The following GPAT4 variants were observed in gnomAD, a reference collection of about 807,000 sequenced individuals.
GPAT4 encodes 1-AGP acyltransferase 6.
Under a neutral mutation model 58.0 loss-of-function variants are expected in GPAT4, and 17 were observed. The observed-to-expected ratio is 0.29, with a 90% CI of 0.20 to 0.44. The LOEUF is 0.44. GPAT4 is among the 20% of genes least tolerant of loss of function. The probability of loss-of-function intolerance (pLI) is 1.00; values close to 1 mark genes in which losing one functional copy is unlikely to be tolerated. For missense variants in GPAT4, 377 were observed against 574.5 expected, an observed-to-expected ratio of 0.66 and a Z score of 3.51; for synonymous variants, 204 against 210.1, an observed-to-expected ratio of 0.97 and a Z score of 0.25.
chr8:41,595,926 TG>T (rs1321184075), intron 1 of GPAT4, among the ~76,000 whole-genome samples: 2 of 149,216 alleles, frequency 1.3e-5, no homozygotes, highest in East Asian at 4.0e-4. Context: ...GGGGCAGGGG[TG>T]GGGGGGTGTG....
chr8:41,598,399 A>C lies in GPAT4; in HGVS notation c.-741A>C, dbSNP rs1425306250. ...GGATACCAATGCCAGATGCATCTGG[A>C]GTTACACTCAGCACTCGCAGTATGA... is the stretch of plus-strand genomic sequence containing the variant. On this transcript the variant is annotated 5_prime_UTR_variant, in exon 2 of 13. Coordinates refer to ENST00000396987, the MANE Select transcript of GPAT4 (RefSeq NM_178819.4). The C allele has an allele frequency of 6.6e-6, 1 of 152,144 alleles. No individual in the cohort carries two copies. Among genetic ancestry groups the C allele is most frequent in the African/African-American group, 2.4e-5 (1 of 41,436 alleles). 9.4% of individuals were successfully genotyped at this position (152,144 alleles called of 1,614,324 possible).
At chr8:41,612,028 C>A (rs28625822) in intron 6 of GPAT4, 36 bp downstream of exon 6, 2 of 1,608,840 alleles carry the variant, frequency 1.2e-6, no homozygotes, top group South Asian at 1.1e-5. Context: ...AGGGAGATGG[C>A]GCTGCAGGAA....
chr8:41,597,554 C>G (rs1802966472), intron 1 of GPAT4, among the ~76,000 whole-genome samples: 1 of 152,042 alleles, frequency 6.6e-6, no homozygotes, highest in South Asian at 2.1e-4. Flanking sequence ...AATTCCATTT[C>G]TAGGAATTTA....
In GPAT4 at chr8:41,612,255, C is replaced by A; in HGVS notation, c.777C>A (p.Ser259Arg). 1 of 1,614,228 alleles carries A rather than the reference C, an allele frequency of 6.2e-7. No individual in the cohort carries two copies. ...TSPIDVIILA[S>R]DGYYAMVGQV... The stretch of plus-strand genomic sequence containing the variant: ...CGATCGATGTGATCATCTTGGCCAG[C>A]GATGGCTATTATGCCATGGTAAGAG... Residue 259 changes from serine (S) to arginine (R), a missense_variant, in exon 7 of 13, where the codon AGC (serine) becomes AGA (arginine). Coordinates refer to ENST00000396987, the MANE Select transcript of GPAT4 (RefSeq NM_178819.4).
rs781490533 is a variant in GPAT4 at position 41,612,008 on chromosome 8, A to ATTG, written c.701+17_701+19dup. 9 of 1,613,708 alleles carry ATTG rather than the reference A, an allele frequency of 5.6e-6. No homozygotes were observed. The African/African-American group carries it at 1.2e-4, about 22-fold the overall frequency. On this transcript the variant is annotated intron_variant, in intron 6 of 12. Transcript: ENST00000396987. The stretch of plus-strand genomic sequence containing the variant: ...ACCATGACAGGTGAGAGCGCTTTGT[A>ATTG]TTGATAGGAAGGGAGATGGCGCTGC...
chr8:41,588,491 C>A (rs1802710852), intron 1 of GPAT4, among the ~76,000 whole-genome samples: 2 of 152,078 alleles, frequency 1.3e-5, no homozygotes, highest in Admixed American at 6.5e-5. Context: ...TTTTCCCTTT[C>A]CTTTTCTCTC....
chr8:41,617,024 A>G (rs1400768425), intron 10 of GPAT4, among the ~76,000 whole-genome samples: 1 of 152,082 alleles, frequency 6.6e-6, no homozygotes, highest in Non-Finnish European at 1.5e-5. Context: ...GGGTTCTCAC[A>G]CTCTGGTGAC....
At chr8:41,613,154 T>C (rs1803491959) in intron 8 of GPAT4, among the ~76,000 whole-genome samples, 194 bp downstream of exon 8, 1 of 152,164 alleles carries the variant, frequency 6.6e-6, no homozygotes, top group African/African-American at 2.4e-5. Context: ...CCCAGCAGTT[T>C]GGGAGGCCGA....
chr8:41,605,956 A>C (rs1045188757), intron 2 of GPAT4, among the ~76,000 whole-genome samples: 2 of 152,162 alleles, frequency 1.3e-5, no homozygotes, highest in Non-Finnish European at 2.9e-5. Flanking sequence ...AAGCAATTCA[A>C]TAGGGAATAA....
At chr8:41,619,487 G>C in intron 12 of GPAT4, 1 of 170,374 alleles carries the variant, frequency 5.9e-6, no homozygotes, top group Non-Finnish European at 1.3e-5. Context: ...CTCTGCCATT[G>C]TAGTGTGAAA....
intron 2 of GPAT4, among the ~76,000 whole-genome samples, chr8:41,601,429 C>T (rs1319111493): frequency 6.6e-6 from 1 of 151,952 alleles, no homozygotes. Context: ...ACACAGGATC[C>T]CTGCGGATGG....
chr8:41,603,760 C>T (rs753100347), intron 2 of GPAT4, among the ~76,000 whole-genome samples: 1 of 152,086 alleles, frequency 6.6e-6, no homozygotes, highest in African/African-American at 2.4e-5. Flanking sequence ...GCCCCTGGAC[C>T]CCAGCTACCA....
At chr8:41,586,522 G>T (rs1475551412) in intron 1 of GPAT4, among the ~76,000 whole-genome samples, 1 of 152,142 alleles carries the variant, frequency 6.6e-6, no homozygotes, top group Non-Finnish European at 1.5e-5. Flanking sequence ...GTGAGGGTTG[G>T]ATTCTTAGTA....
At chr8:41,603,347 T>C (rs1301125898) in intron 2 of GPAT4, among the ~76,000 whole-genome samples, 3 of 151,930 alleles carry the variant, frequency 2.0e-5, no homozygotes, top group Admixed American at 1.3e-4. Flanking sequence ...GTCAACATTG[T>C]GAAACTCCAT....
Position 41,614,399 on chromosome 8 carries a change from G to T in GPAT4, c.925G>T (p.Val309Leu), listed in dbSNP as rs746223695. ...CTTCTTTGAAAGACTGACTGAACAT[G>T]TGCAAGATAAAAGCAAGCTGCCTAT... ...HLVAKRLTEH[V>L]QDKSKLPILI... Residue 309 changes from valine (V) to leucine (L), a missense_variant, in exon 9 of 13, where the codon GTG becomes TTG. Physicochemically the swap from Val to Leu is conservative, Grantham distance 32 (BLOSUM62 1). Coordinates refer to ENST00000396987, the MANE Select transcript of GPAT4 (RefSeq NM_178819.4). 6.2e-7 allele frequency: 1 copy of T among 1,614,056 alleles called. No homozygotes were observed.
At position 41,618,492 on chromosome 8, in the gene GPAT4, C is replaced by T. The variant is rs1030364974; in HGVS notation, c.1054-192C>T. ...GATCTGTAGCAGAGGCCGGGTTCCT[C>T]GGGGGAGATCAGTGTTGCTCACAGT... On this transcript the variant is annotated intron_variant, in intron 10 of 12. Transcript: ENST00000396987. 6 of 687,082 alleles carry T rather than the reference C, an allele frequency of 8.7e-6. 1 individual carries two copies. The highest frequency in any genetic ancestry group is 5.4e-5 in the South Asian group (3 of 55,990). The allele number at this position is 687,082 out of a possible 1,614,324, so 42.6% of individuals were successfully genotyped here. A position where few individuals can be genotyped will look rare whatever the true frequency, so the allele number is the denominator to read the frequency against.
intron 2 of GPAT4, among the ~76,000 whole-genome samples, chr8:41,606,709 A>G (rs889083314): frequency 1.3e-5 from 2 of 152,214 alleles, no homozygotes; most frequent in South Asian, 2.1e-4. Context: ...AAAACAGGCT[A>G]TGGCGGTAAA....
chr8:41,608,375 C>T (rs931364647), intron 2 of GPAT4, among the ~76,000 whole-genome samples: 1 of 152,214 alleles, frequency 6.6e-6, no homozygotes, highest in South Asian at 2.1e-4. Context: ...CCGTGGAAGC[C>T]GAAGGTTGAG....
In GPAT4 at chr8:41,609,636, G is replaced by A; in HGVS notation, c.236-19G>A. On this transcript the variant is annotated intron_variant, in intron 3 of 12. Transcript: ENST00000396987. Reference sequence around the variant, plus strand: ...CTCTCCCCCAGCGTGCTGCTTGACAGGGACACATTCTTTTGCAGGAATCAT... The same window carrying A: ...CTCTCCCCCAGCGTGCTGCTTGACAAGGACACATTCTTTTGCAGGAATCAT... The A allele has an allele frequency of 6.2e-7, 1 of 1,608,444 alleles. No individual in the cohort carries two copies. The highest frequency in any genetic ancestry group is 8.5e-7 in the Non-Finnish European group (1 of 1,176,136).
Sources: gnomAD v4.1 joint callset for allele counts (sites outside exome capture counted in the v4.1 genomes callset) on GRCh38, gnomAD v4.1.1 for gene constraint, MANE v1.5 for transcripts, NCBI Gene and HGNC (gene_info 2026-07-23, HGNC 2026-07-21) for gene names.